Variants in LMLN observed in about 807,000 individuals in gnomAD.
LMLN encodes the protein leishmanolysin like peptidase.
Under a neutral mutation model 92.3 loss-of-function variants are expected in LMLN, and 70 were observed. The ratio of observed to expected loss-of-function variants is 0.76; its 90% confidence interval spans 0.63 to 0.92. LMLN has a LOEUF of 0.92. Among genes scored for constraint, LMLN ranks in the 40% least tolerant of loss-of-function variants. The pLI, the probability that LMLN is intolerant of heterozygous loss-of-function variation, is 0.00. For synonymous variants in LMLN, 308 were observed against 296.2 expected, an observed-to-expected ratio of 1.04 and a Z score of -0.41; for missense variants, 691 against 814.6, an observed-to-expected ratio of 0.85 and a Z score of 1.85.
At chr3:197,995,327 A>G (rs1287094572) in intron 9 of LMLN, among the ~76,000 whole-genome samples, 2 of 152,092 alleles carry the variant, frequency 1.3e-5, no homozygotes, top group Non-Finnish European at 2.9e-5. Flanking sequence ...TTAATAGTTA[A>G]GTTATGGGGA....
exon 5 of LMLN, chr3:197,976,654 C>T: frequency 6.3e-7 from 1 of 1,599,276 alleles, no homozygotes; most frequent in Non-Finnish European, 8.5e-7. Flanking sequence ...AGGTACTGCA[C>T]CGGGGAGTGT....
intron 1 of LMLN, among the ~76,000 whole-genome samples, chr3:197,964,030 G>A (rs1034050765): frequency 2.0e-5 from 3 of 152,174 alleles, no homozygotes; most frequent in East Asian, 3.8e-4. Flanking sequence ...TAATTATTGA[G>A]ATAATCATAT....
At chr3:197,963,317 C>T (rs1228159570) in intron 1 of LMLN, among the ~76,000 whole-genome samples, 1 of 151,700 alleles carries the variant, frequency 6.6e-6, no homozygotes, top group Non-Finnish European at 1.5e-5. Context: ...GATCCTTCTG[C>T]CTTAATCTCC....
exon 16 of LMLN, chr3:198,039,614 T>G (rs1406667727): frequency 6.6e-6 from 1 of 150,572 alleles, no homozygotes; most frequent in African/African-American, 2.5e-5. Context: ...AAAAAAAAAA[T>G]TAATGGCTGG....
intron 11 of LMLN, among the ~76,000 whole-genome samples, chr3:198,003,629 T>TC (rs200411118): frequency 0.23 from 25,523 of 111,668 alleles, 4,077 homozygotes; most frequent in African/African-American, 0.59. Flanking sequence ...AAGTTTGACA[T>TC]TATCTATATA....
At chr3:197,963,110 G>A (rs184984391) in intron 1 of LMLN, among the ~76,000 whole-genome samples, 3 of 151,904 alleles carry the variant, frequency 2.0e-5, no homozygotes, top group East Asian at 3.9e-4. Flanking sequence ...TGAACATAAT[G>A]TATGTTTCTC....
At chr3:198,033,609 C>T (rs1389018296) in intron 14 of LMLN, among the ~76,000 whole-genome samples, 1 of 152,044 alleles carries the variant, frequency 6.6e-6, no homozygotes, top group Non-Finnish European at 1.5e-5. Flanking sequence ...ACCAGGTTGG[C>T]CAGGCTGGTC....
intron 15 of LMLN, 56 bp from the exon 17 acceptor site, chr3:198,038,511 G>A: frequency 8.3e-7 from 1 of 1,205,770 alleles, no homozygotes; most frequent in Non-Finnish European, 1.2e-6. Context: ...TATTTAATTG[G>A]TATGATTTAT....
chr3:198,009,926 A>G (rs1213160388), intron 11 of LMLN, among the ~76,000 whole-genome samples: 1 of 152,144 alleles, frequency 6.6e-6, no homozygotes, highest in African/African-American at 2.4e-5. Context: ...AGGATGGGAT[A>G]TCCATCCTAT....
chr3:197,996,409 A>G (rs1269004395), intron 10 of LMLN, 127 bp downstream of exon 10: 7 of 517,084 alleles, frequency 1.4e-5, no homozygotes, highest in African/African-American at 6.0e-5. Context: ...AGCTCTCCAG[A>G]TGCACTTTCC....
intron 8 of LMLN, among the ~76,000 whole-genome samples, chr3:197,987,028 C>T (rs1348823885): frequency 4.0e-5 from 6 of 150,692 alleles, no homozygotes; most frequent in East Asian, 2.0e-4. Flanking sequence ...TTAGTAGAGA[C>T]GGGGTTTCAC....
chr3:197,998,037 TAGA>T (rs903991983), intron 10 of LMLN, among the ~76,000 whole-genome samples: 1 of 152,152 alleles, frequency 6.6e-6, no homozygotes, highest in Non-Finnish European at 1.5e-5. Context: ...AGAAGGATAT[TAGA>T]AGGAATACAC....
intron 1 of LMLN, among the ~76,000 whole-genome samples, chr3:197,972,384 AT>A (rs1721254717): frequency 6.6e-6 from 1 of 152,032 alleles, no homozygotes; most frequent in Non-Finnish European, 1.5e-5. Flanking sequence ...TTTCATTTTA[AT>A]TGTTATACTT....
chr3:197,966,387 T>C (rs146388238), intron 1 of LMLN, among the ~76,000 whole-genome samples: 15 of 152,318 alleles, frequency 9.8e-5, no homozygotes, highest in Admixed American at 9.8e-4. Context: ...TGGGGCATGA[T>C]GTTGAATAAG....
At chr3:197,983,910 T>A (rs570110991) in intron 6 of LMLN, 33 bp from the exon 7 acceptor site, 2 of 1,343,234 alleles carry the variant, frequency 1.5e-6, no homozygotes, top group South Asian at 2.4e-5. Flanking sequence ...TGTTCTGGAA[T>A]GTAATTTAAA....
intron 6 of LMLN, among the ~76,000 whole-genome samples, chr3:197,981,364 C>G (rs1403506241): frequency 6.6e-6 from 1 of 152,044 alleles, no homozygotes. Context: ...AGAGCCAGAC[C>G]CTGTGTCCAA....
chr3:198,023,755 G>T (rs1722844426), intron 13 of LMLN, among the ~76,000 whole-genome samples: 1 of 152,138 alleles, frequency 6.6e-6, no homozygotes, highest in South Asian at 2.1e-4. Context: ...TCCATTAGAG[G>T]CCTTTCATTC....
At chr3:197,995,075 C>T (rs1721982025) in intron 9 of LMLN, among the ~76,000 whole-genome samples, 1 of 152,178 alleles carries the variant, frequency 6.6e-6, no homozygotes, top group Non-Finnish European at 1.5e-5. Context: ...CTCTGCCACC[C>T]CTTAGCAAGA....
chr3:197,998,291 G>C (rs1445228749), intron 10 of LMLN, among the ~76,000 whole-genome samples: 1 of 152,164 alleles, frequency 6.6e-6, no homozygotes, highest in East Asian at 1.9e-4. Flanking sequence ...CATGCCTAAA[G>C]TTAATACAAT....
Sources: allele counts gnomAD v4.1 joint callset (sites outside exome capture counted in the v4.1 genomes callset), GRCh38; gene constraint gnomAD v4.1.1; transcripts MANE v1.5; gene names NCBI Gene and HGNC (gene_info 2026-07-23, HGNC 2026-07-21).